Variants in SRBD1 observed in about 807,000 individuals in gnomAD.
SRBD1 encodes S1 RNA binding domain 1, also known as S1 RNA-binding domain-containing protein 1.
A neutral mutation model predicts 115.3 loss-of-function variants in SRBD1; 88 were observed. That is an observed-to-expected ratio of 0.76 (90% CI 0.64 to 0.91). The LOEUF (loss-of-function observed/expected upper bound fraction) is 0.91, where lower values mean the gene tolerates loss of function less well. SRBD1 is among the 40% of genes least tolerant of loss of function. SRBD1 has a pLI of 0.00. For synonymous variants in SRBD1, 509 were observed against 407.7 expected, an observed-to-expected ratio of 1.25 and a Z score of -2.99; for missense variants, 1,385 against 1,177.4, an observed-to-expected ratio of 1.18 and a Z score of -2.58.
At chr2:45,587,196 T>A (rs986433021) in intron 4 of SRBD1, among the ~76,000 whole-genome samples, 1 of 145,784 alleles carries the variant, frequency 6.9e-6, no homozygotes, top group Non-Finnish European at 1.5e-5. Flanking sequence ...AATTTTTAAA[T>A]ATTTAATTAT....
chr2:45,430,405 T>C (rs1238349414), intron 16 of SRBD1, among the ~76,000 whole-genome samples: 1 of 152,156 alleles, frequency 6.6e-6, no homozygotes, highest in African/African-American at 2.4e-5. Context: ...ACTACAAGAC[T>C]ATAGTAACCA....
chr2:45,581,613 C>A, intron 6 of SRBD1, 80 bp downstream of exon 6: 2 of 972,886 alleles, frequency 2.1e-6, no homozygotes, highest in African/African-American at 1.6e-5. Flanking sequence ...CTTTTTATTT[C>A]TTGGTGTTCT....
intron 4 of SRBD1, among the ~76,000 whole-genome samples, chr2:45,597,513 T>C (rs1406013312): frequency 1.3e-5 from 2 of 152,154 alleles, no homozygotes; most frequent in Non-Finnish European, 2.9e-5. Flanking sequence ...TAGGGAGCTG[T>C]CATTTTCTAT....
chr2:45,584,298 T>G (rs552179154), intron 5 of SRBD1, among the ~76,000 whole-genome samples: 2 of 152,350 alleles, frequency 1.3e-5, no homozygotes, highest in South Asian at 4.1e-4. Flanking sequence ...AGACAGGGTT[T>G]GTAATCTCCA....
intron 4 of SRBD1, among the ~76,000 whole-genome samples, chr2:45,595,222 C>A (rs1163406124): frequency 6.6e-6 from 1 of 152,222 alleles, no homozygotes; most frequent in Non-Finnish European, 1.5e-5. Context: ...CAGTGATGTT[C>A]CTGAAAAAAA....
intron 14 of SRBD1, among the ~76,000 whole-genome samples, chr2:45,545,264 A>G (rs527241756): frequency 1.5e-5 from 2 of 131,424 alleles, no homozygotes; most frequent in Admixed American, 1.7e-4. Flanking sequence ...TGGGTGACAG[A>G]GCGAGACTCT....
chr2:45,544,023 A>C (rs1219002117), intron 14 of SRBD1, among the ~76,000 whole-genome samples: 1 of 152,122 alleles, frequency 6.6e-6, no homozygotes, highest in Non-Finnish European at 1.5e-5. Context: ...AGTGCAAAGA[A>C]GGCACCAAAG....
chr2:45,423,318 C>T lies in SRBD1; in HGVS notation c.2050-3424G>A, dbSNP rs534223805. On this transcript the variant is annotated intron_variant, in intron 16 of 20. Transcript: ENST00000263736. ...ATAAATGCATTTTAGGTTAGATATGCAAGGCAAGGCAGTTTAATGGAGGAT... is the reference window on the plus strand; with the variant it reads ...ATAAATGCATTTTAGGTTAGATATGTAAGGCAAGGCAGTTTAATGGAGGAT... Among the ~76,000 whole-genome samples the T allele has an allele frequency of 2.6e-5, 4 of 152,220 alleles. No individual in the cohort carries two copies. In the East Asian group the frequency reaches 7.7e-4, roughly 29 times the overall value.
chr2:45,574,477 T>A (rs1572795204), intron 8 of SRBD1, 150 bp downstream of exon 8: 4 of 641,312 alleles, frequency 6.2e-6, no homozygotes, highest in Non-Finnish European at 7.9e-6. Context: ...TTTTATATAT[T>A]TGGGCTCTGT....
intron 14 of SRBD1, among the ~76,000 whole-genome samples, chr2:45,526,808 C>G (rs1344935576): frequency 6.6e-6 from 1 of 151,462 alleles, no homozygotes; most frequent in Non-Finnish European, 1.5e-5. Context: ...GAAGAAAAAT[C>G]AAGTTATAGA....
chr2:45,400,243 A>G (rs1572594296), intron 19 of SRBD1, among the ~76,000 whole-genome samples: 1 of 152,158 alleles, frequency 6.6e-6, no homozygotes, highest in African/African-American at 2.4e-5. Context: ...TAAAATCCAT[A>G]GCTAGGCTGG....
intron 16 of SRBD1, among the ~76,000 whole-genome samples, chr2:45,456,581 TTGAGTA>T (rs1429488027): frequency 6.6e-6 from 1 of 151,912 alleles, no homozygotes; most frequent in Non-Finnish European, 1.5e-5. Flanking sequence ...TTTGTAAAGT[TTGAGTA>T]TAATTTTCGA....
chr2:45,405,990 T>C (rs980262046), intron 19 of SRBD1, among the ~76,000 whole-genome samples: 2 of 152,110 alleles, frequency 1.3e-5, no homozygotes, highest in African/African-American at 2.4e-5. Context: ...CCAGCAATAA[T>C]ACATCTTTGG....
intron 4 of SRBD1, 65 bp downstream of exon 4, chr2:45,599,383 AC>A (rs1253199151): frequency 2.3e-5 from 35 of 1,518,952 alleles, no homozygotes; most frequent in South Asian, 3.8e-5. Flanking sequence ...AGACAGTACA[AC>A]CCCTATGCTA....
At chr2:45,492,718 C>T (rs1391674014) in intron 14 of SRBD1, among the ~76,000 whole-genome samples, 1 of 152,130 alleles carries the variant, frequency 6.6e-6, no homozygotes, top group African/African-American at 2.4e-5. Context: ...GGATTACAGG[C>T]GCAAGCCACT....
intron 16 of SRBD1, among the ~76,000 whole-genome samples, chr2:45,464,585 T>C (rs1472483737): frequency 6.6e-6 from 1 of 152,182 alleles, no homozygotes; most frequent in African/African-American, 2.4e-5. Context: ...AATGTGGCAT[T>C]GGTTATTCTG....
chr2:45,449,436 T>A (rs1037599459), intron 16 of SRBD1, among the ~76,000 whole-genome samples: 4 of 152,194 alleles, frequency 2.6e-5, no homozygotes, highest in African/African-American at 4.8e-5. Context: ...TAAACACTTA[T>A]TTAAAAGTAA....
intron 7 of SRBD1, among the ~76,000 whole-genome samples, chr2:45,576,345 G>A (rs557827083): frequency 6.6e-6 from 1 of 152,090 alleles, no homozygotes; most frequent in East Asian, 1.9e-4. Flanking sequence ...TCATCAGTAA[G>A]GCTTCAGGTC....
chr2:45,559,485 G>A (rs1019105769), intron 10 of SRBD1, among the ~76,000 whole-genome samples: 1 of 151,932 alleles, frequency 6.6e-6, no homozygotes, highest in Non-Finnish European at 1.5e-5. Flanking sequence ...CAACATACTC[G>A]TAATGATTTT....
Sources: allele counts gnomAD v4.1 joint callset (sites outside exome capture counted in the v4.1 genomes callset), GRCh38; gene constraint gnomAD v4.1.1; transcripts MANE v1.5; gene names NCBI Gene and HGNC (gene_info 2026-07-23, HGNC 2026-07-21).